Variants in B3GALT1 observed in about 807,000 individuals in gnomAD.
B3GALT1 encodes beta-1,3-galactosyltransferase 1, also known as UDP-Gal:betaGlcNAc beta 1,3-galactosyltransferase, polypeptide 1.
Under a neutral mutation model 23.2 loss-of-function variants are expected in B3GALT1, and 10 were observed. The observed-to-expected ratio is 0.43, with a 90% CI of 0.27 to 0.73. B3GALT1 has a LOEUF of 0.73. Ranked by LOEUF, B3GALT1 falls within the 30% of genes least tolerant of loss-of-function variation. The pLI, the probability that B3GALT1 is intolerant of heterozygous loss-of-function variation, is 0.21. For synonymous variants in B3GALT1, 156 were observed against 141.5 expected (o/e 1.10, Z -0.73); for missense variants, 299 against 405.4 (o/e 0.74, Z 2.25).
At chr2:167,403,243 A>G (rs957407930) in intron 1 of B3GALT1, among the ~76,000 whole-genome samples, 1 of 100,562 alleles carries the variant, frequency 9.9e-6, no homozygotes, top group Non-Finnish European at 2.1e-5. Flanking sequence ...TTATTGTTCA[A>G]TTCCCACCTG....
chr2:167,473,104 G>A (rs893491860), intron 1 of B3GALT1, among the ~76,000 whole-genome samples: 4 of 152,148 alleles, frequency 2.6e-5, no homozygotes, highest in Non-Finnish European at 2.9e-5. Context: ...TGTTTGCAGA[G>A]ATTAGTGATT....
chr2:167,585,439 G>A (rs1373280971), intron 2 of B3GALT1, among the ~76,000 whole-genome samples: 5 of 152,122 alleles, frequency 3.3e-5, no homozygotes, highest in Admixed American at 6.5e-5. Context: ...AAACATACAA[G>A]AAGATGCTCA....
At chr2:167,825,777 C>A (rs1689210179) in intron 4 of B3GALT1, among the ~76,000 whole-genome samples, 1 of 152,158 alleles carries the variant, frequency 6.6e-6, no homozygotes, top group Non-Finnish European at 1.5e-5. Flanking sequence ...GGCAGGGAGT[C>A]TGTGCCACAG....
At chr2:167,488,148 A>G (rs72872833) in intron 1 of B3GALT1, among the ~76,000 whole-genome samples, 10,293 of 152,302 alleles carry the variant, frequency 0.068, 572 homozygotes, top group Admixed American at 0.14. Flanking sequence ...ATAGAAAAAC[A>G]TTATTTGTTT....
At chr2:167,508,069 C>T (rs1479626401) in intron 2 of B3GALT1, among the ~76,000 whole-genome samples, 1 of 151,982 alleles carries the variant, frequency 6.6e-6, no homozygotes, top group African/African-American at 2.4e-5. Context: ...TATAAGGACA[C>T]TAGTCCCATT....
intron 2 of B3GALT1, among the ~76,000 whole-genome samples, chr2:167,580,639 C>A (rs1347763438): frequency 6.6e-6 from 1 of 152,068 alleles, no homozygotes; most frequent in Non-Finnish European, 1.5e-5. Flanking sequence ...TATCAATAAG[C>A]TTTTGGAAAT....
chr2:167,842,694 C>T lies in B3GALT1; in HGVS notation c.-230+23901C>T, dbSNP rs138154188. Among the ~76,000 whole-genome samples, 33 of 152,072 alleles carry T rather than the reference C, an allele frequency of 2.2e-4. No homozygotes were observed. In the East Asian group the frequency reaches 6.0e-3, roughly 28 times the overall value. ...TTTGAGACCAGCCTGGGCAACATGACGAAACTCCGTCTCTACAAAAAACTA... is the reference window on the plus strand; with the variant it reads ...TTTGAGACCAGCCTGGGCAACATGATGAAACTCCGTCTCTACAAAAAACTA... On this transcript the variant is annotated intron_variant, in intron 4 of 4. Coordinates refer to ENST00000392690, the MANE Select transcript of B3GALT1 (RefSeq NM_020981.4).
chr2:167,312,446 A>T (rs1696646016), intron 1 of B3GALT1, among the ~76,000 whole-genome samples: 1 of 152,016 alleles, frequency 6.6e-6, no homozygotes, highest in African/African-American at 2.4e-5. Context: ...AGTAAATCTA[A>T]GGGAGCACAA....
intron 3 of B3GALT1, among the ~76,000 whole-genome samples, chr2:167,703,905 G>A (rs953187419): frequency 9.2e-5 from 14 of 152,024 alleles, no homozygotes; most frequent in African/African-American, 2.4e-4. Context: ...CTCAGGGCCC[G>A]GCGCGGTGGC....
chr2:167,612,119 T>C (rs1558924250), intron 2 of B3GALT1, among the ~76,000 whole-genome samples: 2 of 152,068 alleles, frequency 1.3e-5, no homozygotes, highest in East Asian at 1.9e-4. Flanking sequence ...AGAATTAATG[T>C]ACTTCAATCT....
intron 2 of B3GALT1, among the ~76,000 whole-genome samples, chr2:167,621,750 T>A (rs1022588307): frequency 2.0e-5 from 3 of 152,042 alleles, no homozygotes; most frequent in African/African-American, 7.2e-5. Context: ...TCTCACAGGA[T>A]CTGATGGTTT....
At chr2:167,381,923 G>A (rs1697852093) in intron 1 of B3GALT1, among the ~76,000 whole-genome samples, 1 of 152,094 alleles carries the variant, frequency 6.6e-6, no homozygotes, top group African/African-American at 2.4e-5. Flanking sequence ...TGTAGACAGC[G>A]AGATCCTTTT....
At chr2:167,395,679 A>G (rs1441882138) in intron 1 of B3GALT1, among the ~76,000 whole-genome samples, 3 of 152,196 alleles carry the variant, frequency 2.0e-5, no homozygotes, top group African/African-American at 7.2e-5. Flanking sequence ...TACAGCAGCA[A>G]TGAGAAATTA....
chr2:167,686,491 G>A (rs1482245177), intron 3 of B3GALT1, among the ~76,000 whole-genome samples: 1 of 152,126 alleles, frequency 6.6e-6, no homozygotes, highest in Non-Finnish European at 1.5e-5. Context: ...TAAAGGAAGT[G>A]CCATTTTAAG....
At chr2:167,658,572 A>T (rs1002840967) in intron 3 of B3GALT1, among the ~76,000 whole-genome samples, 2 of 152,066 alleles carry the variant, frequency 1.3e-5, no homozygotes, top group South Asian at 4.1e-4. Context: ...TGAGATTAGT[A>T]TTTATACCAC....
chr2:167,395,855 A>C (rs1698086059), intron 1 of B3GALT1, among the ~76,000 whole-genome samples: 2 of 152,284 alleles, frequency 1.3e-5, no homozygotes, highest in Admixed American at 1.3e-4. Flanking sequence ...AGTAAAGGTG[A>C]GGAATGTTTA....
intron 3 of B3GALT1, among the ~76,000 whole-genome samples, chr2:167,652,750 C>CAAAG (rs1685889318): frequency 6.6e-6 from 1 of 152,136 alleles, no homozygotes; most frequent in Non-Finnish European, 1.5e-5. Context: ...AGGCCAGACC[C>CAAAG]ATGTCTCATT....
intron 1 of B3GALT1, among the ~76,000 whole-genome samples, chr2:167,381,300 A>C (rs557164396): frequency 3.0e-4 from 46 of 152,308 alleles, no homozygotes; most frequent in African/African-American, 1.1e-3. Context: ...GGCTTAAGCA[A>C]TCCTTCTGCC....
intron 1 of B3GALT1, among the ~76,000 whole-genome samples, chr2:167,332,124 C>G (rs1696982600): frequency 6.6e-6 from 1 of 152,086 alleles, no homozygotes; most frequent in Non-Finnish European, 1.5e-5. Context: ...CCAGGATGTT[C>G]CCTATGTTAA....
Sources: gnomAD v4.1 joint callset for allele counts (sites outside exome capture counted in the v4.1 genomes callset) on GRCh38, gnomAD v4.1.1 for gene constraint, MANE v1.5 for transcripts, NCBI Gene and HGNC (gene_info 2026-07-23, HGNC 2026-07-21) for gene names.